Variants in ATF7IP observed in about 807,000 individuals in gnomAD.
The protein encoded by ATF7IP is activating transcription factor 7-interacting protein 1.
A neutral mutation model predicts 106.4 loss-of-function variants in ATF7IP; 23 were observed. That is an observed-to-expected ratio of 0.22 (90% confidence interval 0.16 to 0.31). The LOEUF (loss-of-function observed/expected upper bound fraction) is 0.31. Ranked by LOEUF, ATF7IP falls within the 10% of genes least tolerant of loss-of-function variation. ATF7IP has a pLI of 1.00. For synonymous variants in ATF7IP, 542 were observed against 539.0 expected (o/e 1.01, Z -0.08); for missense variants, 1,334 against 1,524.3 (o/e 0.88, Z 2.08).
chr12:14,406,862 G>T (rs1029322625), intron 1 of ATF7IP, among the ~76,000 whole-genome samples: 2 of 152,126 alleles, frequency 1.3e-5, no homozygotes, highest in Admixed American at 6.5e-5. Flanking sequence ...AAAGTGCTAG[G>T]ATTACAGGCG....
At chr12:14,388,634 A>T (rs1331191876) in intron 1 of ATF7IP, among the ~76,000 whole-genome samples, 7 of 152,110 alleles carry the variant, frequency 4.6e-5, no homozygotes, top group African/African-American at 1.7e-4. Context: ...GGCATGAGCC[A>T]CTGCGCCCAG....
At chr12:14,416,291 C>T (rs1270333730) in intron 1 of ATF7IP, among the ~76,000 whole-genome samples, 6 of 151,862 alleles carry the variant, frequency 4.0e-5, no homozygotes, top group Non-Finnish European at 8.8e-5. Context: ...TTAATTCAGC[C>T]ATTTAATGAA....
At chr12:14,458,443 T>C (rs1943516815) in intron 8 of ATF7IP, among the ~76,000 whole-genome samples, 1 of 152,236 alleles carries the variant, frequency 6.6e-6, no homozygotes, top group Non-Finnish European at 1.5e-5. Context: ...TCTTCTTTAA[T>C]ACTATCCAGT....
intron 5 of ATF7IP, among the ~76,000 whole-genome samples, chr12:14,439,241 G>A (rs1432136762): frequency 6.6e-6 from 1 of 152,106 alleles, no homozygotes; most frequent in Non-Finnish European, 1.5e-5. Flanking sequence ...TTATATATGA[G>A]CATATCCCAA....
Position 14,501,473 on chromosome 12 carries a change from G to T in ATF7IP, c.*3400G>T, listed in dbSNP as rs1945157877. On this transcript the variant is annotated 3_prime_UTR_variant, in exon 15 of 15. Transcript: ENST00000261168. ...CTTCTAAAAATCTTGTTCTTGCCAA[G>T]AAATTTATAAATCACATACGAAGAC... is the stretch of plus-strand genomic sequence containing the variant. 1 of 152,152 alleles carries T rather than the reference G, an allele frequency of 6.6e-6. No homozygotes were observed. The highest frequency in any genetic ancestry group is 2.1e-4 in the South Asian group (1 of 4,834). The allele number at this position is 152,152 out of a possible 1,614,324, so 9.4% of individuals were successfully genotyped here. A position where few individuals can be genotyped will look rare whatever the true frequency, so the allele number is the denominator to read the frequency against.
At chr12:14,386,792 T>G (rs1939264896) in intron 1 of ATF7IP, among the ~76,000 whole-genome samples, 1 of 152,166 alleles carries the variant, frequency 6.6e-6, no homozygotes, top group Non-Finnish European at 1.5e-5. Context: ...GTTCACTTAT[T>G]TGTAGAACCT....
intron 5 of ATF7IP, among the ~76,000 whole-genome samples, chr12:14,446,713 T>C (rs1942975958): frequency 6.6e-6 from 1 of 152,182 alleles, no homozygotes; most frequent in African/African-American, 2.4e-5. Flanking sequence ...AATGTACTGG[T>C]AAGTGAGCAA....
intron 1 of ATF7IP, among the ~76,000 whole-genome samples, chr12:14,386,463 A>G (rs1939246585): frequency 6.6e-6 from 1 of 152,144 alleles, no homozygotes; most frequent in African/African-American, 2.4e-5. Context: ...TATATCCCTG[A>G]CTTATATGAC....
At chr12:14,455,199 A>G (rs1943377727) in intron 6 of ATF7IP, among the ~76,000 whole-genome samples, 2 of 151,972 alleles carry the variant, frequency 1.3e-5, no homozygotes, top group African/African-American at 4.8e-5. Flanking sequence ...AAAAAAAAAA[A>G]AATTACTCAA....
intron 5 of ATF7IP, among the ~76,000 whole-genome samples, chr12:14,445,368 A>T (rs1591877099): frequency 6.7e-6 from 1 of 148,852 alleles, no homozygotes; most frequent in Non-Finnish European, 1.5e-5. Context: ...TTTCCCATAT[A>T]CCTTTCTTTT....
At chr12:14,428,671 A>G (rs886888019) in intron 2 of ATF7IP, among the ~76,000 whole-genome samples, 1 of 152,216 alleles carries the variant, frequency 6.6e-6, no homozygotes, top group Admixed American at 6.5e-5. Flanking sequence ...CCTTCTAGCT[A>G]CTAACATCTA....
chr12:14,467,621 T>C lies in ATF7IP; in HGVS notation c.2862+1031T>C, dbSNP rs546924142. ...ACTTAAGTGACATTTATAGGAAGTC[T>C]AGTTAAACTTTAAACAAAGGATTTA... On this transcript the variant is annotated intron_variant, in intron 10 of 14. Transcript: ENST00000261168. 8.5e-5 allele frequency among the ~76,000 whole-genome samples: 13 copies of C among 152,220 alleles called. 1 individual carries two copies. In the South Asian group the frequency reaches 1.7e-3, roughly 19 times the overall value.
intron 1 of ATF7IP, among the ~76,000 whole-genome samples, chr12:14,416,279 A>T (rs559136883): frequency 1.5e-5 from 2 of 136,808 alleles, no homozygotes; most frequent in African/African-American, 5.0e-5. Flanking sequence ...ATTATTTAAT[A>T]TTTAATTCAG....
intron 8 of ATF7IP, among the ~76,000 whole-genome samples, chr12:14,457,660 T>A (rs1228777667): frequency 6.6e-6 from 1 of 152,216 alleles, no homozygotes; most frequent in Non-Finnish European, 1.5e-5. Flanking sequence ...GGTCTCTAGA[T>A]CCCTTTACAA....
At chr12:14,465,698 T>C (rs1591923879) in intron 9 of ATF7IP, among the ~76,000 whole-genome samples, 1 of 152,104 alleles carries the variant, frequency 6.6e-6, no homozygotes, top group Non-Finnish European at 1.5e-5. Flanking sequence ...TACAGACTTA[T>C]ATATATACAT....
At chr12:14,402,102 C>G (rs1227093340) in intron 1 of ATF7IP, among the ~76,000 whole-genome samples, 9 of 146,846 alleles carry the variant, frequency 6.1e-5, no homozygotes, top group Non-Finnish European at 1.1e-4. Flanking sequence ...CTTTCTCTCT[C>G]TCTTTTTCTT....
At chr12:14,484,710 G>A (rs527580671) in intron 13 of ATF7IP, among the ~76,000 whole-genome samples, 1 of 152,320 alleles carries the variant, frequency 6.6e-6, no homozygotes, top group African/African-American at 2.4e-5. Context: ...GGCTGGGGAA[G>A]AGAACGCAGC....
intron 13 of ATF7IP, 99 bp downstream of exon 13, chr12:14,481,284 CT>C: frequency 9.1e-7 from 1 of 1,094,688 alleles, no homozygotes; most frequent in Non-Finnish European, 1.3e-6. Context: ...GCAAAAATTT[CT>C]TATAATGTCA....
At chr12:14,389,899 C>T (rs1373637534) in intron 1 of ATF7IP, among the ~76,000 whole-genome samples, 1 of 152,224 alleles carries the variant, frequency 6.6e-6, no homozygotes, top group Non-Finnish European at 1.5e-5. Context: ...GCTGGGATTA[C>T]AGGCGTGAGC....
Sources: gnomAD v4.1 joint callset for allele counts (sites outside exome capture counted in the v4.1 genomes callset) on GRCh38, gnomAD v4.1.1 for gene constraint, MANE v1.5 for transcripts, NCBI Gene and HGNC (gene_info 2026-07-23, HGNC 2026-07-21) for gene names.